The following GREM2 variants were observed in gnomAD, a reference collection of about 807,000 sequenced individuals.
GREM2 encodes gremlin-2.
Under a neutral mutation model 14.2 loss-of-function variants are expected in GREM2, and 11 were observed. That is an observed-to-expected ratio of 0.78 (90% CI 0.49 to 1.28). GREM2 has a LOEUF of 1.28. GREM2 is among the 50% of genes most tolerant of loss of function. The probability of loss-of-function intolerance (pLI) is 0.00; values close to 1 mark genes in which losing one functional copy is unlikely to be tolerated. For missense variants in GREM2, 210 were observed against 218.5 expected, an observed-to-expected ratio of 0.96 and a Z score of 0.24; for synonymous variants, 98 against 97.6, an observed-to-expected ratio of 1.00 and a Z score of -0.02.
At position 240,547,238 on chromosome 1, in the gene GREM2, T is replaced by C. The variant is rs117329155; in HGVS notation, c.-1-53762A>G. Among the ~76,000 whole-genome samples the C allele has an allele frequency of 3.6e-3, 555 of 152,118 alleles. 7 individuals carry two copies. The East Asian group carries it at 0.042, about 11-fold the overall frequency. On this transcript the variant is annotated intron_variant, in intron 1 of 1. Transcript: ENST00000318160. ...AATGGAGGCCAGGCACGGTGCCTCATGCCTGTAATCCCAGGGCTTTGGGAG... is the reference window on the plus strand; with the variant it reads ...AATGGAGGCCAGGCACGGTGCCTCACGCCTGTAATCCCAGGGCTTTGGGAG...
intron 1 of GREM2, among the ~76,000 whole-genome samples, chr1:240,510,096 G>A (rs536368557): frequency 1.5e-4 from 23 of 152,254 alleles, no homozygotes; most frequent in Admixed American, 5.9e-4. Flanking sequence ...TAGGCCGGGT[G>A]CGGTGGCTCA....
rs1258952397 is a variant in GREM2, at chr1:240,542,985, T to G, written c.-1-49509A>C. On this transcript the variant is annotated intron_variant, in intron 1 of 1. Coordinates refer to ENST00000318160, the MANE Select transcript of GREM2 (RefSeq NM_022469.4). This position sits in a 1 kb window ranked among gnomAD's most constrained non-coding sequence, Gnocchi z 4.1. ...AAAATATCACCTTCTTTGTGAAGCC[T>G]CTTACTTTCCTTCCGACCCATTGTC... Among the ~76,000 whole-genome samples the G allele has an allele frequency of 2.0e-5, 3 of 152,184 alleles. No homozygotes were observed. Among genetic ancestry groups the G allele is most frequent in the Non-Finnish European group, 4.4e-5 (3 of 68,032 alleles).
intron 1 of GREM2, among the ~76,000 whole-genome samples, chr1:240,518,520 G>GTTT (rs1678000068): frequency 2.0e-5 from 3 of 152,040 alleles, no homozygotes; most frequent in African/African-American, 7.2e-5. Flanking sequence ...TAGTTTTTGG[G>GTTT]TTTTTTTAAA....
At chr1:240,584,900 G>A (rs1291758802) in intron 1 of GREM2, among the ~76,000 whole-genome samples, 1 of 152,166 alleles carries the variant, frequency 6.6e-6, no homozygotes, top group African/African-American at 2.4e-5. Context: ...AGAGGACCTA[G>A]AAACAATCCC....
intron 1 of GREM2, among the ~76,000 whole-genome samples, chr1:240,547,291 G>A (rs1267729226): frequency 6.6e-6 from 1 of 151,788 alleles, no homozygotes; most frequent in Non-Finnish European, 1.5e-5. Flanking sequence ...ACGAGGGCAG[G>A]AGATCAAGAC....
At chr1:240,603,061 G>C (rs899315984) in intron 1 of GREM2, among the ~76,000 whole-genome samples, 1 of 152,082 alleles carries the variant, frequency 6.6e-6, no homozygotes, top group African/African-American at 2.4e-5. Context: ...TGACAGAGCT[G>C]CGACAGAGCG....
At chr1:240,521,434 G>A (rs574458399) in intron 1 of GREM2, among the ~76,000 whole-genome samples, 3 of 151,546 alleles carry the variant, frequency 2.0e-5, no homozygotes, top group South Asian at 4.2e-4. Flanking sequence ...AGCCGGGCAT[G>A]GTGAGGGGCG....
chr1:240,493,484 C>A lies in GREM2; in HGVS notation c.-1-8G>T, dbSNP rs746531003. The stretch of plus-strand genomic sequence containing the variant: ...GAAAGCTTCCAGAACATCCTGCAAA[C>A]GAGAAAAGAGAGGGGCTGGCTGTGA... On this transcript the variant is annotated splice_region_variant and splice_polypyrimidine_tract_variant and intron_variant, in intron 1 of 1. Transcript: ENST00000318160. The A allele has an allele frequency of 2.5e-6, 4 of 1,594,108 alleles. No individual in the cohort carries two copies. Among genetic ancestry groups the A allele is most frequent in the Non-Finnish European group, 3.4e-6 (4 of 1,169,340 alleles).
In GREM2 at chr1:240,490,706, T is replaced by C. The variant is rs561071581; in HGVS notation, c.*2263A>G. 7 of 152,424 alleles carry C rather than the reference T, an allele frequency of 4.6e-5. No homozygotes were observed. The East Asian group carries it at 1.2e-3, about 25-fold the overall frequency. The allele number at this position is 152,424 out of a possible 1,614,324, so 9.4% of individuals were successfully genotyped here. A position where few individuals can be genotyped will look rare whatever the true frequency, so the allele number is the denominator to read the frequency against. The stretch of plus-strand genomic sequence containing the variant: ...ATTGCTTTCATTGCTACACCCACAA[T>C]TGGGTTCGAAGAGAGTGTGCTCGTG... On this transcript the variant is annotated 3_prime_UTR_variant, in exon 2 of 2. Coordinates refer to ENST00000318160, the MANE Select transcript of GREM2 (RefSeq NM_022469.4).
chr1:240,502,835 T>C (rs1677599941), intron 1 of GREM2, among the ~76,000 whole-genome samples: 1 of 152,222 alleles, frequency 6.6e-6, no homozygotes, highest in African/African-American at 2.4e-5. Context: ...TAGACCTTTC[T>C]ACACACCGTG....
intron 1 of GREM2, among the ~76,000 whole-genome samples, chr1:240,567,523 T>C (rs935688611): frequency 6.6e-6 from 1 of 152,166 alleles, no homozygotes; most frequent in Admixed American, 6.6e-5. Flanking sequence ...ATAATGTCTT[T>C]AAAGTATTGA....
intron 1 of GREM2, among the ~76,000 whole-genome samples, chr1:240,545,862 G>A (rs1005300174): frequency 2.6e-5 from 4 of 152,158 alleles, no homozygotes; most frequent in Non-Finnish European, 4.4e-5. Context: ...TGGTGCATCC[G>A]GAGCACCCCT....
chr1:240,505,289 CAT>C (rs1677652951), intron 1 of GREM2, among the ~76,000 whole-genome samples: 2 of 152,162 alleles, frequency 1.3e-5, no homozygotes, highest in African/African-American at 4.8e-5. Context: ...TTTCTTTATA[CAT>C]TACCCATTCT....
At chr1:240,562,844 GTGTGTA>G (rs952294254) in intron 1 of GREM2, among the ~76,000 whole-genome samples, 187 of 149,760 alleles carry the variant, frequency 1.2e-3, no homozygotes, top group African/African-American at 4.4e-3. Context: ...GTGTATATGA[GTGTGTA>G]TGTGTGTATG....
chr1:240,588,772 A>C (rs1679649797), intron 1 of GREM2: 6 of 152,148 alleles, frequency 3.9e-5, no homozygotes, highest in Admixed American at 1.3e-4. Context: ...CTAAAGCTTA[A>C]AATACAGTCT....
chr1:240,497,469 C>T lies in GREM2; in HGVS notation c.-1-3993G>A, dbSNP rs188611096. Among the ~76,000 whole-genome samples, 461 of 151,998 alleles carry T rather than the reference C, an allele frequency of 3.0e-3. 2 individuals carry two copies. The highest frequency in any genetic ancestry group is 0.011 in the African/African-American group (443 of 41,454). On this transcript the variant is annotated intron_variant, in intron 1 of 1. Transcript: ENST00000318160. ...TAGTGAGGGCGAAAGGGAAAAGCATCGGTTCTACCTGGAGAAGGAGCAGGA... is the reference window on the plus strand; with the variant it reads ...TAGTGAGGGCGAAAGGGAAAAGCATTGGTTCTACCTGGAGAAGGAGCAGGA...
chr1:240,562,193 A>G lies in GREM2; in HGVS notation c.-2+49691T>C, dbSNP rs61832601. The stretch of plus-strand genomic sequence containing the variant: ...GTGACAGTGGTTATTTGGAGGGCAG[A>G]TGATGCAATTGCCTGCTTGTTGCTG... On this transcript the variant is annotated intron_variant, in intron 1 of 1. Transcript: ENST00000318160. 5.3e-3 allele frequency among the ~76,000 whole-genome samples: 813 copies of G among 152,318 alleles called. 3 individuals are homozygous for G. Among genetic ancestry groups the G allele is most frequent in the Middle Eastern group, 0.014 (4 of 294 alleles).
chr1:240,600,612 T>C (rs1346700959), intron 1 of GREM2, among the ~76,000 whole-genome samples: 1 of 151,928 alleles, frequency 6.6e-6, no homozygotes, highest in Non-Finnish European at 1.5e-5. Flanking sequence ...GCCTCCTGAG[T>C]AGCTGGGATT....
rs530636730 is a variant in GREM2, at chr1:240,524,693, C to G, written c.-1-31217G>C. 2.0e-5 allele frequency among the ~76,000 whole-genome samples: 3 copies of G among 152,224 alleles called. 1 individual carries two copies. In the South Asian group the frequency reaches 6.2e-4, roughly 32 times the overall value. On this transcript the variant is annotated intron_variant, in intron 1 of 1. Transcript: ENST00000318160. Reference sequence around the variant, plus strand: ...AATCTACTTGTGGTGAAGGCCTTCCCAAGTGTGACATAAAACAACAAAAGC... The same window carrying G: ...AATCTACTTGTGGTGAAGGCCTTCCGAAGTGTGACATAAAACAACAAAAGC...
Sources: allele counts gnomAD v4.1 joint callset (sites outside exome capture counted in the v4.1 genomes callset), GRCh38; gene constraint gnomAD v4.1.1; non-coding constraint Gnocchi (gnomAD v3.1); transcripts MANE v1.5; gene names NCBI Gene and HGNC (gene_info 2026-07-23, HGNC 2026-07-21).